The following ARFGAP3 variants were observed in gnomAD, a reference collection of about 807,000 sequenced individuals.
ARFGAP3 encodes ARF GTPase activating protein 3, also known as ADP-ribosylation factor GTPase-activating protein 3.
ARFGAP3 carries 72 observed loss-of-function variants against 75.0 expected under a neutral mutation model. The observed-to-expected ratio is 0.96, with a 90% CI of 0.79 to 1.17. The LOEUF (loss-of-function observed/expected upper bound fraction) is 1.17, where lower values mean the gene tolerates loss of function less well. Among genes scored for constraint, ARFGAP3 ranks in the 50% most tolerant of loss-of-function variants. The pLI is 0.00. For synonymous variants in ARFGAP3, 221 were observed against 217.9 expected (o/e 1.01, Z -0.13); for missense variants, 620 against 626.6 (o/e 0.99, Z 0.11).
At chr22:42,838,714 A>T (rs1926646556) in intron 3 of ARFGAP3, among the ~76,000 whole-genome samples, 1 of 152,224 alleles carries the variant, frequency 6.6e-6, no homozygotes, top group Admixed American at 6.5e-5. Flanking sequence ...ATAGGTTACC[A>T]GTGCTGTGCA....
chr22:42,825,531 TG>T (rs926348686), intron 7 of ARFGAP3, among the ~76,000 whole-genome samples: 7 of 151,490 alleles, frequency 4.6e-5, no homozygotes, highest in Admixed American at 1.3e-4. Context: ...AAAAGTTTGC[TG>T]GGCATGGTGG....
At chr22:42,850,714 C>T (rs919956397) in intron 1 of ARFGAP3, among the ~76,000 whole-genome samples, 1 of 151,794 alleles carries the variant, frequency 6.6e-6, no homozygotes, top group Non-Finnish European at 1.5e-5. Flanking sequence ...AGAGGAAACA[C>T]GAGTGGGTTT....
Position 42,841,017 on chromosome 22 carries a change from C to G in ARFGAP3, c.189-1G>C, listed in dbSNP as rs1926759085. On this transcript the variant is annotated splice_acceptor_variant, in intron 2 of 15. Coordinates refer to ENST00000263245, the MANE Select transcript of ARFGAP3 (RefSeq NM_014570.5). LOFTEE classifies it high-confidence loss of function. ...CCAGTTGGAATCCAACTCTGTAGAT[C>G]TAAATGGAAAGAATATTACTAACTG... The G allele has an allele frequency of 1.2e-6, 2 of 1,613,584 alleles. No individual in the cohort carries two copies. Among genetic ancestry groups the G allele is most frequent in the Admixed American group, 1.7e-5 (1 of 59,930 alleles).
chr22:42,825,597 C>T (rs1430813471), intron 7 of ARFGAP3, among the ~76,000 whole-genome samples: 2 of 151,778 alleles, frequency 1.3e-5, no homozygotes, highest in Non-Finnish European at 2.9e-5. Context: ...ATCGCTTGAA[C>T]CCAGGAGGCA....
At chr22:42,839,538 C>G (rs1926685937) in intron 3 of ARFGAP3, among the ~76,000 whole-genome samples, 1 of 146,424 alleles carries the variant, frequency 6.8e-6, no homozygotes, top group Non-Finnish European at 1.5e-5. Context: ...GTGGAGGTTG[C>G]AGTGAGCTGA....
intron 14 of ARFGAP3, among the ~76,000 whole-genome samples, chr22:42,802,199 AC>A (rs1924892398): frequency 6.6e-6 from 1 of 151,998 alleles, no homozygotes; most frequent in Admixed American, 6.6e-5. Context: ...GTCTGGAGTC[AC>A]CCAGGAGAGA....
intron 2 of ARFGAP3, among the ~76,000 whole-genome samples, chr22:42,846,932 CCAAGGT>C (rs1416873942): frequency 1.3e-5 from 2 of 152,320 alleles, no homozygotes; most frequent in South Asian, 2.1e-4. Flanking sequence ...GCTGAGAAGA[CCAAGGT>C]CAAGGGGCTA....
chr22:42,850,034 C>T (rs549854483), intron 1 of ARFGAP3, among the ~76,000 whole-genome samples: 3 of 152,230 alleles, frequency 2.0e-5, no homozygotes, highest in East Asian at 3.9e-4. Flanking sequence ...ACTTTAAAAA[C>T]GTATTGCCAG....
At chr22:42,838,291 T>TATA (rs1555899060) in intron 3 of ARFGAP3, among the ~76,000 whole-genome samples, 16 of 65,108 alleles carry the variant, frequency 2.5e-4, no homozygotes, top group Admixed American at 4.7e-4. Context: ...TATATATATA[T>TATA]TTTTTTTTTC....
intron 9 of ARFGAP3, among the ~76,000 whole-genome samples, chr22:42,818,941 T>G (rs1925696864): frequency 6.6e-6 from 1 of 151,186 alleles, no homozygotes; most frequent in Non-Finnish European, 1.5e-5. Flanking sequence ...GCCTCCCGAG[T>G]AGCTGGGATT....
chr22:42,811,070 G>C, intron 11 of ARFGAP3, 126 bp from the exon 12 acceptor site: 5 of 1,430,052 alleles, frequency 3.5e-6, no homozygotes, highest in Non-Finnish European at 3.7e-6. Flanking sequence ...ACTAGGTCTA[G>C]CCAATGAGAC....
At chr22:42,829,553 A>C (rs2146557748) in intron 6 of ARFGAP3, among the ~76,000 whole-genome samples, 3 of 152,356 alleles carry the variant, frequency 2.0e-5, no homozygotes, top group Admixed American at 2.0e-4. Flanking sequence ...ATGTGGAAAA[A>C]AAAAATCACA....
chr22:42,853,644 C>A, intron 1 of ARFGAP3: 2 of 177,056 alleles, frequency 1.1e-5, no homozygotes, highest in South Asian at 2.3e-4. Context: ...GCCCAGAGCT[C>A]CCTGTGCCTT....
rs1925201612 is a variant in ARFGAP3 at position 42,807,954 on chromosome 22, AG to A, written c.1321-792del. On this transcript the variant is annotated intron_variant, in intron 13 of 15. Transcript: ENST00000263245. ...GAGACGGAGTTTCATCATGTTGGCC[AG>A]GCTGGTCTCGAACTCCTGGCCTCAA... 2.0e-5 allele frequency among the ~76,000 whole-genome samples: 3 copies of A among 151,710 alleles called. No individual in the cohort carries two copies. The South Asian group carries it at 6.3e-4, about 32-fold the overall frequency.
intron 7 of ARFGAP3, 169 bp from the exon 8 acceptor site, chr22:42,823,871 A>G: frequency 1.7e-6 from 1 of 576,508 alleles, no homozygotes; most frequent in East Asian, 1.4e-4. Flanking sequence ...TTTTGGATTA[A>G]CAGAACTTTG....
intron 3 of ARFGAP3, 93 bp downstream of exon 3, chr22:42,840,851 A>T: frequency 7.7e-7 from 1 of 1,292,224 alleles, no homozygotes; most frequent in Non-Finnish European, 1.1e-6. Context: ...GATTACAGGC[A>T]TGAGCCACTG....
intron 6 of ARFGAP3, among the ~76,000 whole-genome samples, chr22:42,827,424 T>C (rs1926090101): frequency 6.6e-6 from 1 of 152,216 alleles, no homozygotes; most frequent in Non-Finnish European, 1.5e-5. Flanking sequence ...TGGAGTGCAA[T>C]GGCACGATCT....
At chr22:42,817,945 T>G in intron 9 of ARFGAP3, 88 bp from the exon 10 acceptor site, 1 of 1,335,870 alleles carries the variant, frequency 7.5e-7, no homozygotes, top group Non-Finnish European at 9.8e-7. Context: ...ATGTAATTTA[T>G]ACTTTTAGCT....
chr22:42,799,104 G>A lies in ARFGAP3; in HGVS notation c.1468C>T (p.Gln490Ter), dbSNP rs370464836. 1.1e-4 allele frequency: 177 copies of A among 1,614,082 alleles called. No homozygotes were observed. The highest frequency in any genetic ancestry group is 1.4e-4 in the Non-Finnish European group (165 of 1,180,044). The change falls in exon 15 of 16, where the codon CAG (glutamine) becomes TAG (stop). Residue 490 changes from glutamine to a stop codon, truncating the protein, a stop_gained. Transcript: ENST00000263245. LOFTEE classifies it high-confidence loss of function. ...TTTCCAGCAACCGATCTCACTCCCT[G>A]CTTGAACTGCGCCATGTCGGGGGCG... ...PNAPDMAQFK[Q>*]GVRSVAGKLS...
Sources: allele counts gnomAD v4.1 joint callset (sites outside exome capture counted in the v4.1 genomes callset), GRCh38; gene constraint gnomAD v4.1.1; transcripts MANE v1.5; gene names NCBI Gene and HGNC (gene_info 2026-07-23, HGNC 2026-07-21).